WDR25: variants seen among roughly 807,000 people sequenced by gnomAD.
WDR25 encodes WD repeat domain 25.
WDR25 carries 35 observed loss-of-function variants against 47.7 expected under a neutral mutation model. The ratio of observed to expected loss-of-function variants is 0.73; its 90% CI spans 0.56 to 0.97. The LOEUF (loss-of-function observed/expected upper bound fraction) is 0.97. WDR25 is among the 50% of genes least tolerant of loss of function. The probability of loss-of-function intolerance (pLI) is 0.00; values close to 1 mark genes in which losing one functional copy is unlikely to be tolerated. For synonymous variants in WDR25, 248 were observed against 278.9 expected, an observed-to-expected ratio of 0.89 and a Z score of 1.10; for missense variants, 634 against 704.7, an observed-to-expected ratio of 0.90 and a Z score of 1.14.
intron 2 of WDR25, among the ~76,000 whole-genome samples, chr14:100,388,495 C>T (rs989158839): frequency 1.3e-5 from 2 of 152,178 alleles, no homozygotes; most frequent in Admixed American, 6.5e-5. Flanking sequence ...TCTGAATTAC[C>T]CCAGGATTGG....
Position 100,468,212 on chromosome 14 carries a change from C to A in WDR25, c.970+44C>A. The A allele has an allele frequency of 6.3e-7, 1 of 1,587,224 alleles. No homozygotes were observed. Among genetic ancestry groups the A allele is most frequent in the South Asian group, 1.1e-5 (1 of 88,040 alleles). ...CTCCCTGAGGTGAGCTGGCAGCTCT[C>A]TCCCTGGGGAAGGTTCTCTGGTGGG... On this transcript the variant is annotated intron_variant, in intron 3 of 6. Coordinates refer to ENST00000402312, the MANE Select transcript of WDR25 (RefSeq NM_001161476.3). This position sits in a 1 kb window ranked among gnomAD's most constrained non-coding sequence, Gnocchi z 4.5.
intron 2 of WDR25, among the ~76,000 whole-genome samples, chr14:100,442,803 C>G (rs993994066): frequency 1.2e-4 from 19 of 152,176 alleles, no homozygotes; most frequent in Admixed American, 1.1e-3. Context: ...ACATTTCATC[C>G]TTTGGGTTCT....
intron 2 of WDR25, among the ~76,000 whole-genome samples, chr14:100,414,821 G>A (rs1181390986): frequency 3.3e-5 from 5 of 151,430 alleles, no homozygotes; most frequent in Admixed American, 6.6e-5. Flanking sequence ...GGAGAATCGC[G>A]TGAACCCGGG....
rs183295322 is a variant in WDR25 at position 100,497,857 on chromosome 14, G to T, written c.1101+13733G>T. ...CCAGGTGATGCTGCTTCCACAGCTCGATAGCCTGGGTTGTAGCCCCTGGTT... is the reference window on the plus strand; with the variant it reads ...CCAGGTGATGCTGCTTCCACAGCTCTATAGCCTGGGTTGTAGCCCCTGGTT... On this transcript the variant is annotated intron_variant, in intron 4 of 6. Transcript: ENST00000402312. 8.5e-4 allele frequency among the ~76,000 whole-genome samples: 129 copies of T among 152,218 alleles called. No homozygotes were observed. In the East Asian group the frequency reaches 0.016, roughly 19 times the overall value.
intron 2 of WDR25, among the ~76,000 whole-genome samples, chr14:100,435,431 A>T (rs192531027): frequency 6.6e-6 from 1 of 152,254 alleles, no homozygotes; most frequent in African/African-American, 2.4e-5. Context: ...TGTAATGAGT[A>T]TAACACATCA....
At chr14:100,396,096 C>G (rs1443663192) in intron 2 of WDR25, among the ~76,000 whole-genome samples, 1 of 151,668 alleles carries the variant, frequency 6.6e-6, no homozygotes, top group African/African-American at 2.4e-5. Flanking sequence ...CCTGCCTCAG[C>G]CTCCCGAGGA....
chr14:100,394,907 C>G (rs1397429249), intron 2 of WDR25, among the ~76,000 whole-genome samples: 2 of 152,094 alleles, frequency 1.3e-5, no homozygotes, highest in African/African-American at 2.4e-5. Flanking sequence ...ATTGCTTGAG[C>G]CCAGGAGGTT....
intron 2 of WDR25, among the ~76,000 whole-genome samples, chr14:100,456,870 A>G (rs769411946): frequency 3.3e-5 from 5 of 152,258 alleles, no homozygotes; most frequent in Non-Finnish European, 5.9e-5. Flanking sequence ...TCATAAACCC[A>G]TAGATTCAAG....
chr14:100,477,846 A>G (rs539673645), intron 3 of WDR25, among the ~76,000 whole-genome samples: 100 of 152,258 alleles, frequency 6.6e-4, no homozygotes, highest in African/African-American at 2.2e-3. Context: ...AATCCCAGCA[A>G]TTTGGGAGGC....
chr14:100,514,811 A>C (rs756559321), intron 4 of WDR25, among the ~76,000 whole-genome samples: 4 of 152,098 alleles, frequency 2.6e-5, no homozygotes, highest in Non-Finnish European at 4.4e-5. Flanking sequence ...ATTGCTTTTC[A>C]TTTTTGGGTG....
chr14:100,501,892 C>T (rs1393176208), intron 4 of WDR25, among the ~76,000 whole-genome samples: 1 of 152,168 alleles, frequency 6.6e-6, no homozygotes, highest in Non-Finnish European at 1.5e-5. Context: ...AATGGTCCCT[C>T]AGGCAATGCA....
chr14:100,428,427 G>T lies in WDR25; in HGVS notation c.823-39594G>T, dbSNP rs913021673. On this transcript the variant is annotated intron_variant, in intron 2 of 6. Transcript: ENST00000402312. This position sits in a 1 kb window ranked among gnomAD's most constrained non-coding sequence, Gnocchi z 4.3. ...TCTTGGGTCTGCCACTCACCAGCCT[G>T]GTGTGGGCAGCCATTTTAGCCTTTC... 1.2e-4 allele frequency among the ~76,000 whole-genome samples: 18 copies of T among 152,202 alleles called. No individual in the cohort carries two copies. The highest frequency in any genetic ancestry group is 4.3e-4 in the African/African-American group (18 of 41,456).
chr14:100,521,192 A>G (rs2029873257), intron 4 of WDR25, among the ~76,000 whole-genome samples: 1 of 151,838 alleles, frequency 6.6e-6, no homozygotes, highest in Non-Finnish European at 1.5e-5. Context: ...ACACACACAC[A>G]CACACACACA....
chr14:100,429,809 G>T (rs921216272), intron 2 of WDR25, among the ~76,000 whole-genome samples: 1 of 152,030 alleles, frequency 6.6e-6, no homozygotes, highest in Admixed American at 6.5e-5. Flanking sequence ...TGCTGCTGGG[G>T]TGGGGCGGTG....
At chr14:100,461,244 C>T (rs1899403391) in intron 2 of WDR25, among the ~76,000 whole-genome samples, 1 of 152,022 alleles carries the variant, frequency 6.6e-6, no homozygotes, top group African/African-American at 2.4e-5. Context: ...AAGAAAATTC[C>T]ACTCTGTCTA....
intron 3 of WDR25, among the ~76,000 whole-genome samples, chr14:100,476,847 G>A (rs996152562): frequency 6.6e-6 from 1 of 152,166 alleles, no homozygotes; most frequent in Non-Finnish European, 1.5e-5. Flanking sequence ...TGAGCTCCCT[G>A]GAGAGGGGGG....
At chr14:100,524,325 G>A (rs547669269) in intron 4 of WDR25, among the ~76,000 whole-genome samples, 87 of 152,030 alleles carry the variant, frequency 5.7e-4, no homozygotes, top group African/African-American at 1.9e-3. Context: ...AGCACCTAAC[G>A]GGCACTCAGC....
chr14:100,427,342 G>C (rs1245012417), intron 2 of WDR25, among the ~76,000 whole-genome samples: 1 of 152,220 alleles, frequency 6.6e-6, no homozygotes, highest in African/African-American at 2.4e-5. Context: ...CTCTCTTGCA[G>C]CACTTATCTG....
intron 2 of WDR25, among the ~76,000 whole-genome samples, chr14:100,400,227 C>G (rs990910095): frequency 6.6e-6 from 1 of 152,232 alleles, no homozygotes; most frequent in Non-Finnish European, 1.5e-5. Context: ...AGTGACATTC[C>G]TTGATACTTG....
Sources: gnomAD v4.1 joint callset for allele counts (sites outside exome capture counted in the v4.1 genomes callset) on GRCh38, gnomAD v4.1.1 for gene constraint, Gnocchi (gnomAD v3.1) non-coding constraint, MANE v1.5 for transcripts, NCBI Gene and HGNC (gene_info 2026-07-23, HGNC 2026-07-21) for gene names.